Variants in DLGAP2 observed in about 807,000 individuals in gnomAD.
DLGAP2 encodes DLG associated protein 2.
DLGAP2 carries 26 observed loss-of-function variants against 100.3 expected under a neutral mutation model. That is an observed-to-expected ratio of 0.26 (90% CI 0.19 to 0.36). The LOEUF (loss-of-function observed/expected upper bound fraction) is 0.36, where lower values mean the gene tolerates loss of function less well. Among genes scored for constraint, DLGAP2 ranks in the 10% least tolerant of loss-of-function variants. DLGAP2 has a pLI of 1.00. For synonymous variants in DLGAP2, 886 were observed against 630.1 expected (o/e 1.41, Z -6.08); for missense variants, 1,858 against 1,453.2 (o/e 1.28, Z -4.53).
intron 3 of DLGAP2, among the ~76,000 whole-genome samples, chr8:1,437,963 G>A (rs1333221331): frequency 1.3e-5 from 2 of 152,004 alleles, no homozygotes; most frequent in Non-Finnish European, 2.9e-5. Flanking sequence ...TCCAGCCTGG[G>A]CGACAAGAGC....
intron 2 of DLGAP2, among the ~76,000 whole-genome samples, chr8:1,242,887 G>C (rs1027750088): frequency 2.0e-5 from 3 of 151,574 alleles, no homozygotes; most frequent in Non-Finnish European, 4.4e-5. Flanking sequence ...CAGACAGACA[G>C]GTGAATCCAT....
At chr8:767,375 G>A (rs1821242404) in intron 1 of DLGAP2, among the ~76,000 whole-genome samples, 1 of 129,116 alleles carries the variant, frequency 7.7e-6, no homozygotes, top group Admixed American at 8.9e-5. Context: ...TTTTGAGACA[G>A]AGTTTCGGTC....
chr8:1,004,342 A>G (rs989777541), intron 2 of DLGAP2, among the ~76,000 whole-genome samples: 3 of 152,182 alleles, frequency 2.0e-5, no homozygotes, highest in African/African-American at 7.2e-5. Flanking sequence ...TTTGTCTTTT[A>G]TCTTCATAAA....
intron 3 of DLGAP2, among the ~76,000 whole-genome samples, chr8:1,482,022 C>T (rs996343858): frequency 4.6e-5 from 7 of 152,150 alleles, no homozygotes; most frequent in Admixed American, 2.6e-4. Context: ...CTGTGTTCCT[C>T]GGGGGAAAGT....
intron 6 of DLGAP2, among the ~76,000 whole-genome samples, chr8:1,619,104 A>G (rs1283520273): frequency 6.6e-6 from 1 of 152,222 alleles, no homozygotes; most frequent in Non-Finnish European, 1.5e-5. Context: ...TGTCTGTCTG[A>G]CAAAGGGCTT....
chr8:1,682,792 G>T (rs58785808), intron 12 of DLGAP2, among the ~76,000 whole-genome samples: 1 of 151,570 alleles, frequency 6.6e-6, no homozygotes, highest in African/African-American at 2.4e-5. Flanking sequence ...TAGTATTTCA[G>T]TGTCACTTAC....
At position 916,818 on chromosome 8, in the gene DLGAP2, C is replaced by T. The variant is rs188956170; in HGVS notation, c.73+8852C>T. On this transcript the variant is annotated intron_variant, in intron 2 of 14. Transcript: ENST00000637795. ...GAAAATGTTGATCAAGCAGCCGGAT[C>T]GTGCATCTTGGTTTGGGAATTTGGT... Among the ~76,000 whole-genome samples the T allele has an allele frequency of 4.7e-4, 72 of 152,316 alleles. No homozygotes were observed. The East Asian group carries it at 0.012, about 25-fold the overall frequency.
intron 6 of DLGAP2, 95 bp from the exon 7 acceptor site, chr8:1,626,645 G>T: frequency 1.4e-6 from 2 of 1,478,734 alleles, no homozygotes; most frequent in Non-Finnish European, 1.8e-6. Flanking sequence ...TGTGGTGGGT[G>T]CTCAGCCTCT....
At chr8:1,605,098 C>T (rs965951310) in intron 6 of DLGAP2, among the ~76,000 whole-genome samples, 1 of 152,176 alleles carries the variant, frequency 6.6e-6, no homozygotes, top group East Asian at 1.9e-4. Flanking sequence ...ACCTCATCGG[C>T]CCCTGAGGAT....
At chr8:985,870 C>T (rs1800471667) in intron 2 of DLGAP2, among the ~76,000 whole-genome samples, 1 of 152,176 alleles carries the variant, frequency 6.6e-6, no homozygotes, top group African/African-American at 2.4e-5. Flanking sequence ...AGTCGATCAC[C>T]TGACAAACCC....
chr8:1,470,571 C>G (rs1357105423), intron 3 of DLGAP2, among the ~76,000 whole-genome samples: 1 of 152,176 alleles, frequency 6.6e-6, no homozygotes, highest in Admixed American at 6.5e-5. Context: ...CTATTCTATT[C>G]TCTCTTAAAT....
chr8:1,348,317 T>A (rs1470613866), intron 3 of DLGAP2, among the ~76,000 whole-genome samples: 2 of 148,446 alleles, frequency 1.3e-5, no homozygotes, highest in Non-Finnish European at 3.0e-5. Flanking sequence ...GCACTCATGG[T>A]AGCTGTGTGG....
chr8:1,124,232 G>A (rs1360696950), intron 2 of DLGAP2, among the ~76,000 whole-genome samples: 2 of 152,212 alleles, frequency 1.3e-5, no homozygotes, highest in African/African-American at 4.8e-5. Flanking sequence ...CAGAAACTGA[G>A]TCAGCAGGGA....
At chr8:1,377,485 A>G (rs1034937902) in intron 3 of DLGAP2, among the ~76,000 whole-genome samples, 8 of 152,234 alleles carry the variant, frequency 5.3e-5, no homozygotes, top group Non-Finnish European at 7.3e-5. Flanking sequence ...CGGAGCTGGC[A>G]GTGAGCTGAG....
At chr8:1,226,038 T>C (rs950090325) in intron 2 of DLGAP2, among the ~76,000 whole-genome samples, 2 of 152,160 alleles carry the variant, frequency 1.3e-5, no homozygotes, top group Admixed American at 1.3e-4. Context: ...ATGGTATATA[T>C]GGAAGAGGAA....
chr8:1,534,941 ATCT>A (rs1801106920), intron 4 of DLGAP2, among the ~76,000 whole-genome samples: 3 of 152,226 alleles, frequency 2.0e-5, no homozygotes, highest in South Asian at 2.1e-4. Flanking sequence ...AATGGATGAA[ATCT>A]TCTTGGCCAG....
At chr8:1,163,218 C>G (rs1290033881) in intron 2 of DLGAP2, among the ~76,000 whole-genome samples, 2 of 152,212 alleles carry the variant, frequency 1.3e-5, no homozygotes, top group Non-Finnish European at 2.9e-5. Flanking sequence ...GAAAAACTGA[C>G]GATGGCAGCT....
At chr8:1,429,367 C>CTT (rs1797340705) in intron 3 of DLGAP2, among the ~76,000 whole-genome samples, 1 of 152,142 alleles carries the variant, frequency 6.6e-6, no homozygotes, top group Admixed American at 6.5e-5. Flanking sequence ...CCGAATTAAA[C>CTT]TTTCGTTAAC....
intron 1 of DLGAP2, chr8:754,237 C>T (rs1820863533): frequency 6.6e-6 from 1 of 152,236 alleles, no homozygotes; most frequent in Admixed American, 6.5e-5. Context: ...CGTCCACTGT[C>T]ACTGCCGTAT....
Sources: allele counts gnomAD v4.1 joint callset (sites outside exome capture counted in the v4.1 genomes callset), GRCh38; gene constraint gnomAD v4.1.1; transcripts MANE v1.5; gene names NCBI Gene and HGNC (gene_info 2026-07-23, HGNC 2026-07-21).